IL31RA: variants seen among roughly 807,000 people sequenced by gnomAD.
The protein encoded by IL31RA is interleukin 31 receptor A.
Under a neutral mutation model 83.7 loss-of-function variants are expected in IL31RA, and 66 were observed. The observed-to-expected ratio is 0.79, with a 90% CI of 0.65 to 0.97. The LOEUF is 0.97. IL31RA is among the 50% of genes least tolerant of loss of function. IL31RA has a pLI of 0.00. For synonymous variants in IL31RA, 325 were observed against 329.0 expected (o/e 0.99, Z 0.13); for missense variants, 798 against 919.4 (o/e 0.87, Z 1.71).
At chr5:55,911,665 T>C (rs1355467339) in intron 12 of IL31RA, among the ~76,000 whole-genome samples, 2 of 152,130 alleles carry the variant, frequency 1.3e-5, no homozygotes, top group Non-Finnish European at 2.9e-5. Flanking sequence ...AGGAGGGGGA[T>C]GAAGCAGAAA....
At chr5:55,913,646 A>C in intron 13 of IL31RA, 76 bp downstream of exon 13, 1 of 877,646 alleles carries the variant, frequency 1.1e-6, no homozygotes, top group Middle Eastern at 2.1e-4. Context: ...GGTGCTTCGT[A>C]GGAGAGGGCA....
In IL31RA at chr5:55,922,056, G is replaced by T. The variant is rs1419740477; in HGVS notation, c.*4936G>T. On this transcript the variant is annotated 3_prime_UTR_variant, in exon 15 of 15. Coordinates refer to ENST00000652347, the MANE Select transcript of IL31RA (RefSeq NM_139017.7). The stretch of plus-strand genomic sequence containing the variant: ...TGTCTTGCACTCTTATGTTGTGGCG[G>T]GGGGGGGGGGCGGTTCCTGAAGAGT... 2.0e-5 allele frequency among the ~76,000 whole-genome samples: 1 copy of T among 50,894 alleles called. No homozygotes were observed. Among genetic ancestry groups the T allele is most frequent in the Non-Finnish European group, 4.5e-5 (1 of 22,336 alleles). The allele number at this position is 50,894 out of a possible 152,430, so 33.4% of individuals were successfully genotyped here.
upstream of IL31RA, among the ~76,000 whole-genome samples, chr5:55,848,781 C>G (rs1744991564): frequency 6.6e-6 from 1 of 152,162 alleles, no homozygotes; most frequent in Admixed American, 6.5e-5. Flanking sequence ...GGCTGCAACT[C>G]AAAGCCCACT....
At chr5:55,883,615 C>T (rs1747401377) in intron 5 of IL31RA, among the ~76,000 whole-genome samples, 1 of 152,144 alleles carries the variant, frequency 6.6e-6, no homozygotes, top group Non-Finnish European at 1.5e-5. Flanking sequence ...AGTCAGTGCT[C>T]ATGTAGAAAC....
chr5:55,859,022 G>A (rs991114354), intron 1 of IL31RA, among the ~76,000 whole-genome samples: 4 of 152,210 alleles, frequency 2.6e-5, no homozygotes, highest in East Asian at 3.9e-4. Flanking sequence ...CAGAGAGGGC[G>A]TCTTAGGGAA....
chr5:55,885,040 CT>C (rs1455953833), intron 5 of IL31RA, among the ~76,000 whole-genome samples: 1 of 152,208 alleles, frequency 6.6e-6, no homozygotes, highest in Non-Finnish European at 1.5e-5. Context: ...CATCAGAGCC[CT>C]GTGGTAAACC....
chr5:55,917,348 T>C lies in IL31RA; in HGVS notation c.*228T>C. The C allele has an allele frequency of 1.4e-6, 2 of 1,399,470 alleles. No homozygotes were observed. Among genetic ancestry groups the C allele is most frequent in the Non-Finnish European group, 1.9e-6 (2 of 1,076,594 alleles). 86.7% of individuals were successfully genotyped at this position (1,399,470 alleles called of 1,614,324 possible). On this transcript the variant is annotated 3_prime_UTR_variant, in exon 15 of 15. Transcript: ENST00000652347. ...AGTTTTGTAAAGGAACAGCAGTCTC[T>C]TTTCGTTTGTTCAGATACCAAGCTC...
At chr5:55,874,469 G>C (rs1006361707) in intron 4 of IL31RA, among the ~76,000 whole-genome samples, 4 of 152,004 alleles carry the variant, frequency 2.6e-5, no homozygotes, top group Non-Finnish European at 5.9e-5. Context: ...TACGGATATT[G>C]TCATCTTCAT....
chr5:55,856,448 T>C (rs1745369435), intron 1 of IL31RA, among the ~76,000 whole-genome samples: 1 of 152,240 alleles, frequency 6.6e-6, no homozygotes. Flanking sequence ...CAGGAAATGA[T>C]TGATGGCTCT....
chr5:55,872,057 C>G (rs1340298936), intron 3 of IL31RA, among the ~76,000 whole-genome samples: 1 of 152,032 alleles, frequency 6.6e-6, no homozygotes, highest in East Asian at 1.9e-4. Flanking sequence ...TTCATGGCTC[C>G]TAAAGCATCT....
At position 55,922,029 on chromosome 5, in the gene IL31RA, A is replaced by G. The variant is rs1750108244; in HGVS notation, c.*4909A>G. ...TGTAATCAAAATGTGTAGTGTGGTC[A>G]GTGTCTTGCACTCTTATGTTGTGGC... On this transcript the variant is annotated 3_prime_UTR_variant, in exon 15 of 15. Coordinates refer to ENST00000652347, the MANE Select transcript of IL31RA (RefSeq NM_139017.7). Among the ~76,000 whole-genome samples the G allele has an allele frequency of 8.2e-6, 1 of 121,448 alleles. No individual in the cohort carries two copies. Among genetic ancestry groups the G allele is most frequent in the Admixed American group, 1.1e-4 (1 of 8,852 alleles). 79.7% of individuals were successfully genotyped at this position (121,448 alleles called of 152,430 possible).
intron 12 of IL31RA, among the ~76,000 whole-genome samples, chr5:55,912,674 G>GT (rs1428982568): frequency 6.6e-6 from 1 of 152,216 alleles, no homozygotes; most frequent in Non-Finnish European, 1.5e-5. Flanking sequence ...GCACGTGCCT[G>GT]TAATCCCAGC....
chr5:55,855,052 C>T (rs969903506), intron 1 of IL31RA, among the ~76,000 whole-genome samples: 5 of 152,088 alleles, frequency 3.3e-5, no homozygotes, highest in Non-Finnish European at 7.4e-5. Flanking sequence ...AGCAGTGCAT[C>T]GCTTGACTAC....
At chr5:55,901,664 G>A (rs1748823273) in intron 8 of IL31RA, among the ~76,000 whole-genome samples, 1 of 151,460 alleles carries the variant, frequency 6.6e-6, no homozygotes, top group South Asian at 2.1e-4. Context: ...TGCCCAGGCT[G>A]GAGTGCAATG....
chr5:55,916,367 T>G (rs1384426584), intron 14 of IL31RA, among the ~76,000 whole-genome samples: 2 of 127,582 alleles, frequency 1.6e-5, no homozygotes, highest in Non-Finnish European at 3.3e-5. Flanking sequence ...GCAACGGGAG[T>G]GAGACCCTGT....
intron 13 of IL31RA, among the ~76,000 whole-genome samples, 196 bp from the exon 14 acceptor site, chr5:55,914,651 A>G (rs976852505): frequency 2.0e-5 from 3 of 152,194 alleles, no homozygotes; most frequent in African/African-American, 7.2e-5. Flanking sequence ...CACATCCCAC[A>G]GAGAACTTGC....
At chr5:55,890,554 G>A (rs188975087) in intron 6 of IL31RA, among the ~76,000 whole-genome samples, 1 of 152,172 alleles carries the variant, frequency 6.6e-6, no homozygotes, top group East Asian at 1.9e-4. Flanking sequence ...ATTTTTAGTA[G>A]AGAAGGGATA....
At position 55,903,739 on chromosome 5, in the gene IL31RA, C is replaced by T. The variant is rs1190728369; in HGVS notation, c.1070-2367C>T. Among the ~76,000 whole-genome samples the T allele has an allele frequency of 6.6e-6, 1 of 152,186 alleles. No homozygotes were observed. Among genetic ancestry groups the T allele is most frequent in the African/African-American group, 2.4e-5 (1 of 41,440 alleles). On this transcript the variant is annotated intron_variant, in intron 8 of 14. Transcript: ENST00000652347. This position sits in a 1 kb window ranked among gnomAD's most constrained non-coding sequence, Gnocchi z 4.7. ...GGGCAATCATTTTTTAAAAAAGTGC[C>T]TCCAGGGAGATGAGGAAGCTGCAGA...
At chr5:55,884,491 G>A (rs996117561) in intron 5 of IL31RA, among the ~76,000 whole-genome samples, 3 of 152,200 alleles carry the variant, frequency 2.0e-5, no homozygotes, top group Admixed American at 6.5e-5. Flanking sequence ...CTGGAGTGCA[G>A]TGGTGTGATT....
Sources: allele counts gnomAD v4.1 joint callset (sites outside exome capture counted in the v4.1 genomes callset), GRCh38; gene constraint gnomAD v4.1.1; non-coding constraint Gnocchi (gnomAD v3.1); transcripts MANE v1.5; gene names NCBI Gene and HGNC (gene_info 2026-07-23, HGNC 2026-07-21).